CAMTA2: variants seen among roughly 807,000 people sequenced by gnomAD.
CAMTA2 encodes the protein calmodulin binding transcription activator 2, also known as calmodulin-binding transcription activator 2.
CAMTA2 carries 56 observed loss-of-function variants against 135.7 expected under a neutral mutation model. The ratio of observed to expected loss-of-function variants is 0.41; its 90% CI spans 0.33 to 0.52. The LOEUF is 0.52. CAMTA2 is among the 20% of genes least tolerant of loss of function. CAMTA2 has a pLI of 0.16. For synonymous variants in CAMTA2, 591 were observed against 604.6 expected (o/e 0.98, Z 0.33); for missense variants, 1,358 against 1,553.4 (o/e 0.87, Z 2.11).
intron 16 of CAMTA2, among the ~76,000 whole-genome samples, chr17:4,971,968 C>T (rs745437181): frequency 2.6e-5 from 4 of 152,138 alleles, no homozygotes; most frequent in Admixed American, 6.5e-5. Context: ...GGATTACAGG[C>T]GTAAGCCACC....
intron 15 of CAMTA2, 81 bp downstream of exon 15, chr17:4,972,688 C>A: frequency 6.8e-7 from 1 of 1,469,328 alleles, no homozygotes; most frequent in South Asian, 1.1e-5. Context: ...CTCTCTTACT[C>A]GTTTCCCACA....
rs753507550 is a variant in CAMTA2, at chr17:4,980,019, C to T, written c.1303G>A (p.Gly435Ser). 1 of 1,613,750 alleles carries T rather than the reference C, an allele frequency of 6.2e-7. No homozygotes were observed. The highest frequency in any genetic ancestry group is 8.5e-7 in the Non-Finnish European group (1 of 1,179,974). Residue 435 changes from glycine (G) to serine (S), a missense_variant, in exon 9 of 23, where the codon GGT becomes AGT. Gly to Ser is a moderately conservative substitution (Grantham distance 56, BLOSUM62 0). Transcript: ENST00000348066. The surrounding 1 kb of genome is among the most constrained non-coding windows in gnomAD (Gnocchi z 5.3). Reference protein sequence around the residue: ...ARGPPPQSVAGGRRGNCFFIQ... With the variant: ...ARGPPPQSVASGRRGNCFFIQ... ...AAGAAGCAGTTTCCTCTTCTCCCAC[C>T]TGCTACTGACTGTGGTGGGGGACCC...
chr17:4,982,374 T>C (rs1973010506), intron 5 of CAMTA2: 1 of 597,760 alleles, frequency 1.7e-6, no homozygotes, highest in East Asian at 2.8e-5. Context: ...AGGACCAGAT[T>C]TGAGATACGG....
intron 7 of CAMTA2, 82 bp from the exon 8 acceptor site, chr17:4,981,441 C>T: frequency 6.4e-7 from 1 of 1,561,222 alleles, no homozygotes; most frequent in Non-Finnish European, 8.7e-7. Context: ...AAGCACCTGA[C>T]ATGCTTCAAG....
Position 4,980,602 on chromosome 17 carries a change from G to A in CAMTA2, c.720C>T (p.His240=), listed in dbSNP as rs904252060. The A allele has an allele frequency of 1.2e-5, 19 of 1,614,002 alleles. No homozygotes were observed. Among genetic ancestry groups the A allele is most frequent in the Non-Finnish European group, 1.6e-5 (19 of 1,179,954 alleles). Residue 240 remains histidine, a synonymous_variant, in exon 9 of 23, where the codon CAC becomes CAT. Transcript: ENST00000348066. This position sits in a 1 kb window ranked among gnomAD's most constrained non-coding sequence, Gnocchi z 5.3. ...SGGLGSGSLT[H]KCSSTKHRII... ...TGCGGTGTTTCGTGCTGCTGCATTT[G>A]TGGGTAAGGCTCCCAGAACCTGGAG...
At position 4,969,065 on chromosome 17, in the gene CAMTA2, G is replaced by A. The variant is rs1198438485; in HGVS notation, c.3471-84C>T. The A allele has an allele frequency of 4.4e-6, 7 of 1,581,668 alleles. No homozygotes were observed. The highest frequency in any genetic ancestry group is 3.3e-5 in the South Asian group (3 of 90,066). On this transcript the variant is annotated intron_variant, in intron 21 of 22. Coordinates refer to ENST00000348066, the MANE Select transcript of CAMTA2 (RefSeq NM_015099.4). The surrounding 1 kb of genome is among the most constrained non-coding windows in gnomAD (Gnocchi z 5.6). ...CAGGAACCCTAGGCAGGGAATGGCA[G>A]TGAGGCATGATGATCAAGAGGATGA...
At chr17:4,982,047 G>C in intron 6 of CAMTA2, 42 bp downstream of exon 6, 1 of 1,475,018 alleles carries the variant, frequency 6.8e-7, no homozygotes, top group Non-Finnish European at 9.5e-7. Context: ...GTCCCTCAAA[G>C]AGTCAGGAAG....
chr17:4,975,418 C>T, intron 11 of CAMTA2, among the ~76,000 whole-genome samples: 1 of 151,956 alleles, frequency 6.6e-6, no homozygotes. Flanking sequence ...CGATAAAAGA[C>T]AGGCAAGTTA....
At position 4,980,270 on chromosome 17, in the gene CAMTA2, C is replaced by G. The variant is rs998374093; in HGVS notation, c.1052G>C (p.Arg351Thr). The G allele has an allele frequency of 3.1e-6, 5 of 1,601,992 alleles. No homozygotes were observed. In the Admixed American group the frequency reaches 8.5e-5, roughly 27 times the overall value. The change falls in exon 9 of 23, where the codon AGG becomes ACG. Residue 351 changes from arginine to threonine, a missense_variant. By Grantham distance (71) the Arg-to-Thr change is moderately conservative (BLOSUM62 -1). Transcript: ENST00000348066. The surrounding 1 kb of genome is among the most constrained non-coding windows in gnomAD (Gnocchi z 5.3). The part of the protein sequence containing the change: ...TRHLAPQADP[R>T]PSMSLAVVVG... ...AACCACTGCCAAACTCATGGAAGGC[C>G]TAGGATCAGCCTGTGGAGCCAAGTG...
intron 13 of CAMTA2, among the ~76,000 whole-genome samples, 157 bp from the exon 14 acceptor site, chr17:4,973,410 T>G (rs1022572516): frequency 5.9e-5 from 9 of 152,182 alleles, no homozygotes; most frequent in Non-Finnish European, 1.3e-4. Flanking sequence ...AGTCAAAGTG[T>G]TGTAAGTCAG....
At position 4,980,131 on chromosome 17, in the gene CAMTA2, G is replaced by A. The variant is rs754509101; in HGVS notation, c.1191C>T (p.Ser397=). 1 of 1,600,576 alleles carries A rather than the reference G, an allele frequency of 6.2e-7. No homozygotes were observed. Among genetic ancestry groups the A allele is most frequent in the Non-Finnish European group, 8.5e-7 (1 of 1,172,480 alleles). The change falls in exon 9 of 23, where the codon AGC becomes AGT. Residue 397 remains serine, a synonymous_variant. Coordinates refer to ENST00000348066, the MANE Select transcript of CAMTA2 (RefSeq NM_015099.4). This position sits in a 1 kb window ranked among gnomAD's most constrained non-coding sequence, Gnocchi z 5.3. ...GQTYGGGQGV[S]PDFPEAEAAH... ...CGGCCTCTGCCTCGGGGAAGTCTGGGCTTACTCCCTGCCCCCCTCCATATG... is the reference window on the plus strand; with the variant it reads ...CGGCCTCTGCCTCGGGGAAGTCTGGACTTACTCCCTGCCCCCCTCCATATG...
rs367576965 is a variant in CAMTA2, at chr17:4,972,267, C to A, written c.2773G>T (p.Asp925Tyr). 1.3e-5 allele frequency: 21 copies of A among 1,614,046 alleles called. No homozygotes were observed. Among genetic ancestry groups the A allele is most frequent in the Non-Finnish European group, 1.8e-5 (21 of 1,179,984 alleles). ...TCCACAGCCTGTGGGCTGTCAGCGT[C>A]CTCTGGAGCAGCCCCATCATCTGAA... Reference protein sequence around the residue: ...PASDDGAAPEDADSPQAVDVI... With the variant: ...PASDDGAAPEYADSPQAVDVI... The change falls in exon 16 of 23, where the codon GAC (aspartate) becomes TAC (tyrosine). Residue 925 changes from aspartate (D) to tyrosine (Y), a missense_variant. By Grantham distance (160) the Asp-to-Tyr change is radical. Around this residue, in one of 4 missense-constraint regions of CAMTA2, gnomAD observed 1,077 missense variants for 1,127.5 expected, o/e 0.96. Transcript: ENST00000348066.
chr17:4,975,717 A>G (rs997341458), intron 11 of CAMTA2, among the ~76,000 whole-genome samples: 4 of 152,222 alleles, frequency 2.6e-5, no homozygotes, highest in African/African-American at 9.7e-5. Flanking sequence ...GAGGGAGACT[A>G]AGATAACACA....
intron 3 of CAMTA2, among the ~76,000 whole-genome samples, chr17:4,985,473 G>A (rs901018273): frequency 6.6e-6 from 1 of 152,174 alleles, no homozygotes; most frequent in South Asian, 2.1e-4. Flanking sequence ...ACCCAGGCTG[G>A]AGTGCAGTGG....
At position 4,981,643 on chromosome 17, in the gene CAMTA2, C is replaced by G. The variant is rs370171187; in HGVS notation, c.565+35G>C. On this transcript the variant is annotated intron_variant, in intron 7 of 22. Coordinates refer to ENST00000348066, the MANE Select transcript of CAMTA2 (RefSeq NM_015099.4). ...CCTCTGGGAGCCCTGTTTCTACTCT[C>G]CCCTTGGAGCTCTATCCCCACCCTG... 3 of 1,553,518 alleles carry G rather than the reference C, an allele frequency of 1.9e-6. No homozygotes were observed. The African/African-American group carries it at 4.1e-5, about 21-fold the overall frequency.
Position 4,969,805 on chromosome 17 carries a change from G to C in CAMTA2, c.3189+97C>G. 1.3e-6 allele frequency: 2 copies of C among 1,587,784 alleles called. No individual in the cohort carries two copies. The highest frequency in any genetic ancestry group is 1.7e-6 in the Non-Finnish European group (2 of 1,158,856). Reference sequence around the variant, plus strand: ...CCCCTGACCCTTTACCCCATCCAAGGCCTGTCTGCACGACTACTCATCCTC... The same window carrying C: ...CCCCTGACCCTTTACCCCATCCAAGCCCTGTCTGCACGACTACTCATCCTC... On this transcript the variant is annotated intron_variant, in intron 18 of 22. Coordinates refer to ENST00000348066, the MANE Select transcript of CAMTA2 (RefSeq NM_015099.4). This position sits in a 1 kb window ranked among gnomAD's most constrained non-coding sequence, Gnocchi z 5.6.
Position 4,974,445 on chromosome 17 carries a change from C to T in CAMTA2, c.1956G>A (p.Met652Ile), listed in dbSNP as rs1451356753. ...LERLEQMEKR[M>I]AEIAAAGQVP... ...CCTGCCCAGCTGCTGCGATCTCTGC[C>T]ATCCGCTTCTCCATCTGCTCCAGTC... Residue 652 changes from methionine to isoleucine, a missense_variant, in exon 12 of 23, where the codon ATG becomes ATA. Physicochemically the swap from Met to Ile is conservative, Grantham distance 10. Transcript: ENST00000348066. The T allele has an allele frequency of 6.2e-7, 1 of 1,614,088 alleles. No individual in the cohort carries two copies. The highest frequency in any genetic ancestry group is 1.1e-5 in the South Asian group (1 of 91,076).
intron 8 of CAMTA2, 100 bp downstream of exon 8, chr17:4,981,125 A>C: frequency 7.0e-7 from 1 of 1,421,866 alleles, no homozygotes; most frequent in Non-Finnish European, 9.6e-7. Context: ...AAGACTTGCA[A>C]ATCAGCATGC....
chr17:4,979,301 G>C (rs1972810566), intron 9 of CAMTA2: 1 of 158,632 alleles, frequency 6.3e-6, no homozygotes, highest in Non-Finnish European at 1.4e-5. Flanking sequence ...CCTGAGGTCA[G>C]AAGTTTGAGA....
Sources: gnomAD v4.1 joint callset for allele counts (sites outside exome capture counted in the v4.1 genomes callset) on GRCh38, gnomAD v4.1.1 for gene constraint, gnomAD v4.1.1 regional missense constraint, Gnocchi (gnomAD v3.1) non-coding constraint, MANE v1.5 for transcripts, NCBI Gene and HGNC (gene_info 2026-07-23, HGNC 2026-07-21) for gene names.